The following ZMYM2 variants were observed in gnomAD, a reference collection of about 807,000 sequenced individuals.
ZMYM2 encodes the protein zinc finger MYM-type containing 2.
Under a neutral mutation model 162.8 loss-of-function variants are expected in ZMYM2, and 56 were observed. The observed-to-expected ratio is 0.34, with a 90% CI of 0.28 to 0.43. ZMYM2 has a LOEUF of 0.43. ZMYM2 is among the 20% of genes least tolerant of loss of function. The pLI is 1.00. For synonymous variants in ZMYM2, 510 were observed against 541.6 expected (o/e 0.94, Z 0.81); for missense variants, 1,275 against 1,621.8 (o/e 0.79, Z 3.67).
chr13:20,046,633 A>ACATATGTATATGTGTG (rs1954845947), intron 12 of ZMYM2, among the ~76,000 whole-genome samples: 2 of 145,154 alleles, frequency 1.4e-5, no homozygotes, highest in Admixed American at 6.9e-5. Flanking sequence ...ATATATGTGT[A>ACATATGTATATGTGTG]TATATATGTG....
the ZMYM2 span, among the ~76,000 whole-genome samples, chr13:19,879,277 T>C: frequency 2.6e-4 from 40 of 152,276 alleles, 1 homozygote; most frequent in Admixed American, 6.5e-4. Context: ...ATAGTACTCT[T>C]GTTGAAAATC....
At chr13:19,961,791 A>C (rs1468284203) in intron 2 of ZMYM2, among the ~76,000 whole-genome samples, 1 of 152,226 alleles carries the variant, frequency 6.6e-6, no homozygotes, top group African/African-American at 2.4e-5. Context: ...CTTTACTTAA[A>C]AACAGCAACT....
At chr13:19,929,650 A>G in the ZMYM2 span, among the ~76,000 whole-genome samples, 2 of 150,430 alleles carry the variant, frequency 1.3e-5, no homozygotes, top group Non-Finnish European at 1.5e-5. Flanking sequence ...TCTTTTTAAA[A>G]GTGTTTGGAT....
chr13:20,004,541 C>T (rs1950607673), intron 4 of ZMYM2, among the ~76,000 whole-genome samples: 1 of 152,240 alleles, frequency 6.6e-6, no homozygotes. Flanking sequence ...AGGCGTGAGC[C>T]ACTGCGCTCA....
At chr13:19,914,059 A>C in the ZMYM2 span, among the ~76,000 whole-genome samples, 1 of 152,186 alleles carries the variant, frequency 6.6e-6, no homozygotes, top group Admixed American at 6.5e-5. Flanking sequence ...TAGAAGGAGA[A>C]ATGGCCAGAT....
chr13:20,042,777 G>A (rs1954389353), intron 12 of ZMYM2, among the ~76,000 whole-genome samples: 2 of 151,992 alleles, frequency 1.3e-5, no homozygotes, highest in East Asian at 1.9e-4. Flanking sequence ...AGACTGGAGT[G>A]CCGTGGCATG....
At chr13:20,054,568 T>G (rs974536491) in intron 14 of ZMYM2, among the ~76,000 whole-genome samples, 3 of 152,236 alleles carry the variant, frequency 2.0e-5, no homozygotes, top group Non-Finnish European at 4.4e-5. Context: ...CTTTTGTCAT[T>G]ATAATTTTTA....
chr13:20,067,620 T>C (rs1956777868), intron 21 of ZMYM2, among the ~76,000 whole-genome samples: 1 of 152,256 alleles, frequency 6.6e-6, no homozygotes, highest in East Asian at 1.9e-4. Flanking sequence ...CACATCTGGC[T>C]ATAGATCCAT....
chr13:19,977,553 C>T (rs1450888928), intron 2 of ZMYM2, among the ~76,000 whole-genome samples: 2 of 148,650 alleles, frequency 1.3e-5, no homozygotes, highest in Non-Finnish European at 3.0e-5. Context: ...AGTGCAGTGG[C>T]GCGATCTCGG....
the ZMYM2 span, among the ~76,000 whole-genome samples, chr13:19,918,167 G>A: frequency 4.6e-5 from 7 of 151,998 alleles, no homozygotes; most frequent in East Asian, 1.9e-4. Flanking sequence ...TTTATTGGCC[G>A]CATGTAGTGG....
intron 13 of ZMYM2, 149 bp downstream of exon 13, chr13:20,051,747 T>C: frequency 1.3e-6 from 1 of 750,244 alleles, no homozygotes; most frequent in Non-Finnish European, 2.0e-6. Flanking sequence ...GAAGTACCCT[T>C]GTATGTTGTT....
chr13:19,870,531 T>TTC, the ZMYM2 span, among the ~76,000 whole-genome samples: 50,418 of 115,110 alleles, frequency 0.44, 11,936 homozygotes, highest in East Asian at 0.73. Flanking sequence ...CTCTCTTTCT[T>TTC]TCTTTCTCTT....
rs1234039111 is a variant in ZMYM2 at position 19,959,949 on chromosome 13, C to T, written c.-79-9C>T. ...TTTGATACATTTTTCTTTTTTCCTC[C>T]TATCCCAGGACCAAGAATCGCCTTC... On this transcript the variant is annotated splice_polypyrimidine_tract_variant and intron_variant, in intron 1 of 24. Transcript: ENST00000610343. 1 of 152,258 alleles carries T rather than the reference C, an allele frequency of 6.6e-6. No individual in the cohort carries two copies. The highest frequency in any genetic ancestry group is 1.9e-4 in the East Asian group (1 of 5,198). The allele number at this position is 152,258 out of a possible 1,614,324, so 9.4% of individuals were successfully genotyped here.
At chr13:19,970,593 C>A in intron 2 of ZMYM2, among the ~76,000 whole-genome samples, 1 of 118,398 alleles carries the variant, frequency 8.4e-6, no homozygotes. Context: ...GTGAAAAAAC[C>A]CCAAACCAAA....
At chr13:19,945,054 C>T in the ZMYM2 span, among the ~76,000 whole-genome samples, 1 of 152,108 alleles carries the variant, frequency 6.6e-6, no homozygotes, top group Non-Finnish European at 1.5e-5. Context: ...CAAAACCCAA[C>T]ACCTCTGAGA....
the ZMYM2 span, among the ~76,000 whole-genome samples, chr13:19,874,452 C>CT: frequency 6.6e-6 from 1 of 152,100 alleles, no homozygotes; most frequent in Admixed American, 6.6e-5. Context: ...AGGCTGGTCT[C>CT]TAACTCCTGG....
chr13:20,006,246 AAATTT>A (rs776979297), intron 5 of ZMYM2, 123 bp from the exon 6 acceptor site: 61,411 of 682,328 alleles, frequency 0.09, 376 homozygotes, highest in East Asian at 0.16. Flanking sequence ...AAAAAAAAAA[AAATTT>A]TTTTTTTCCT....
rs1463087749 is a variant in ZMYM2 at position 20,031,325 on chromosome 13, A to T, written c.1858A>T (p.Ser620Cys). 6.2e-7 allele frequency: 1 copy of T among 1,604,598 alleles called. No individual in the cohort carries two copies. The highest frequency in any genetic ancestry group is 1.1e-5 in the South Asian group (1 of 89,232). The change falls in exon 10 of 25, where the codon AGT becomes TGT. Residue 620 changes from serine (S) to cysteine (C), a missense_variant. By Grantham distance (112) the Ser-to-Cys change is moderately radical (BLOSUM62 -1). Around this residue, in one of 10 missense-constraint regions of ZMYM2, gnomAD observed 276 missense variants for 311.8 expected, o/e 0.89. Coordinates refer to ENST00000610343, the MANE Select transcript of ZMYM2 (RefSeq NM_197968.4). ...CTTTTGTTCTTTGTTTTAGGCTCTA[A>T]GTATGCAGTCATCTCCAAATGGCCA... ...SSCVAKFQAL[S>C]MQSSPNGQFV...
At chr13:19,950,731 T>G in the ZMYM2 span, among the ~76,000 whole-genome samples, 3 of 152,256 alleles carry the variant, frequency 2.0e-5, no homozygotes, top group Non-Finnish European at 4.4e-5. Context: ...GTCTAAAGTT[T>G]TGGTTTTAAC....
Sources: gnomAD v4.1 joint callset for allele counts (sites outside exome capture counted in the v4.1 genomes callset) on GRCh38, gnomAD v4.1.1 for gene constraint, gnomAD v4.1.1 regional missense constraint, MANE v1.5 for transcripts, NCBI Gene and HGNC (gene_info 2026-07-23, HGNC 2026-07-21) for gene names.